The following FGF12 variants were observed in gnomAD, a reference collection of about 807,000 sequenced individuals.
FGF12 encodes the protein fibroblast growth factor 12B.
FGF12 carries 14 observed loss-of-function variants against 23.6 expected under a neutral mutation model. The observed-to-expected ratio is 0.59, with a 90% CI of 0.39 to 0.93. FGF12 has a LOEUF of 0.93. Ranked by LOEUF, FGF12 falls within the 40% of genes least tolerant of loss-of-function variation. The pLI, the probability that FGF12 is intolerant of heterozygous loss-of-function variation, is 0.00. For missense variants in FGF12, 175 were observed against 217.8 expected, an observed-to-expected ratio of 0.80 and a Z score of 1.24; for synonymous variants, 62 against 77.3, an observed-to-expected ratio of 0.80 and a Z score of 1.04.
intron 2 of FGF12, among the ~76,000 whole-genome samples, chr3:192,475,820 T>A (rs1474380543): frequency 2.0e-5 from 3 of 152,064 alleles, no homozygotes. Context: ...GACCTAATAG[T>A]CAGAAAATTT....
chr3:192,336,184 A>G lies in FGF12; in HGVS notation c.125-720T>C, dbSNP rs557570875. 6.0e-5 allele frequency among the ~76,000 whole-genome samples: 9 copies of G among 150,414 alleles called. No homozygotes were observed. The South Asian group carries it at 1.9e-3, about 33-fold the overall frequency. On this transcript the variant is annotated intron_variant, in intron 3 of 5. Coordinates refer to ENST00000445105, the MANE Select transcript of FGF12 (RefSeq NM_004113.6). This position sits in a 1 kb window ranked among gnomAD's most constrained non-coding sequence, Gnocchi z 4.3. The stretch of plus-strand genomic sequence containing the variant: ...TATATATATACAAATATATATACAC[A>G]TATATATATGCACACACACACACAT...
chr3:192,680,437 C>T (rs113902906), intron 2 of FGF12, among the ~76,000 whole-genome samples: 6 of 152,018 alleles, frequency 3.9e-5, no homozygotes, highest in African/African-American at 1.2e-4. Context: ...TGGTGGCCTT[C>T]GGTTGGGAGG....
At chr3:192,529,788 G>A (rs1287691171) in intron 2 of FGF12, among the ~76,000 whole-genome samples, 1 of 152,150 alleles carries the variant, frequency 6.6e-6, no homozygotes, top group Non-Finnish European at 1.5e-5. Context: ...CAGATCTTGT[G>A]AGATTTATTC....
intron 2 of FGF12, among the ~76,000 whole-genome samples, chr3:192,506,085 G>A (rs1724285520): frequency 6.6e-6 from 1 of 152,216 alleles, no homozygotes; most frequent in African/African-American, 2.4e-5. Context: ...GGTGAAGCAG[G>A]GATAGGAAGG....
Position 192,383,660 on chromosome 3 carries a change from G to C in FGF12, c.14-23122C>G, listed in dbSNP as rs989316422. On this transcript the variant is annotated intron_variant, in intron 2 of 5. Coordinates refer to ENST00000445105, the MANE Select transcript of FGF12 (RefSeq NM_004113.6). ...AATCAAAGGCTAAATTTGTGCAAAG[G>C]TGTTTAGGTTTTATGGCTATATATT... Among the ~76,000 whole-genome samples the C allele has an allele frequency of 3.3e-5, 5 of 152,166 alleles. 1 individual carries two copies.
rs1479066157 is a variant in FGF12, at chr3:192,379,346, AC to A, written c.14-18809del. ...TCTGGAGATAACCTAACAAATTGTC[AC>A]TGTGTATAGGGCAAGGGATACATAA... is the stretch of plus-strand genomic sequence containing the variant. On this transcript the variant is annotated intron_variant, in intron 2 of 5. Transcript: ENST00000445105. Among the ~76,000 whole-genome samples the A allele has an allele frequency of 2.7e-5, 4 of 150,778 alleles. No homozygotes were observed. The Admixed American group carries it at 2.7e-4, about 10-fold the overall frequency.
At chr3:192,349,398 T>A (rs914581336) in intron 3 of FGF12, among the ~76,000 whole-genome samples, 2 of 152,100 alleles carry the variant, frequency 1.3e-5, no homozygotes, top group African/African-American at 4.8e-5. Flanking sequence ...CCTTTTCCAC[T>A]ACTTCAAGAA....
At chr3:192,192,370 C>T (rs990171680) in intron 4 of FGF12, among the ~76,000 whole-genome samples, 2 of 149,948 alleles carry the variant, frequency 1.3e-5, no homozygotes, top group African/African-American at 4.9e-5. Flanking sequence ...CACATTTACA[C>T]ATATACTTTT....
intron 2 of FGF12, among the ~76,000 whole-genome samples, chr3:192,546,599 A>C (rs1366767287): frequency 6.6e-6 from 1 of 152,128 alleles, no homozygotes; most frequent in Non-Finnish European, 1.5e-5. Context: ...TTCCTGATAG[A>C]ATGTAAGCTT....
chr3:192,344,169 G>T (rs977573659), intron 3 of FGF12, among the ~76,000 whole-genome samples: 29 of 152,098 alleles, frequency 1.9e-4, no homozygotes, highest in African/African-American at 7.0e-4. Flanking sequence ...TTGTTATGAA[G>T]ATCAATGAGA....
chr3:192,236,400 T>C (rs1719301430), intron 4 of FGF12, among the ~76,000 whole-genome samples: 1 of 152,156 alleles, frequency 6.6e-6, no homozygotes, highest in African/African-American at 2.4e-5. Context: ...GAGTTTACAT[T>C]TGATATATCT....
chr3:192,202,690 T>A (rs990101197), intron 4 of FGF12, among the ~76,000 whole-genome samples: 1 of 152,206 alleles, frequency 6.6e-6, no homozygotes, highest in Admixed American at 6.5e-5. Flanking sequence ...TCTCCCTATG[T>A]GAATTTGCAG....
chr3:192,510,762 A>C (rs1239971421), intron 2 of FGF12, among the ~76,000 whole-genome samples: 5 of 152,236 alleles, frequency 3.3e-5, no homozygotes, highest in Non-Finnish European at 7.3e-5. Context: ...ATTGTGGTAC[A>C]TCCACGCAAT....
At chr3:192,547,951 C>T (rs1048864319) in intron 2 of FGF12, among the ~76,000 whole-genome samples, 3 of 152,124 alleles carry the variant, frequency 2.0e-5, no homozygotes, top group African/African-American at 7.2e-5. Flanking sequence ...CTGGAGGCCT[C>T]TGTACATTCA....
Position 192,172,238 on chromosome 3 carries a change from A to C in FGF12, c.229-1582T>G, listed in dbSNP as rs1399220479. 3.6e-5 allele frequency among the ~76,000 whole-genome samples: 5 copies of C among 139,720 alleles called. 1 individual carries two copies. The highest frequency in any genetic ancestry group is 8.1e-5 in the Non-Finnish European group (5 of 61,772). The allele number at this position is 139,720 out of a possible 152,430, so 91.7% of individuals were successfully genotyped here. A position where few individuals can be genotyped will look rare whatever the true frequency, so the allele number is the denominator to read the frequency against. On this transcript the variant is annotated intron_variant, in intron 4 of 5. Transcript: ENST00000445105. ...ACCCCGTCTCTACTAAAAATGCAAA[A>C]ATTAGCTGGGTGTGGTGGCAGATGC...
chr3:192,580,593 T>G (rs1009366664), intron 2 of FGF12, among the ~76,000 whole-genome samples: 22 of 152,278 alleles, frequency 1.4e-4, no homozygotes, highest in Non-Finnish European at 1.8e-4. Flanking sequence ...AAGAGATTTT[T>G]TTGTTGTTGT....
chr3:192,588,094 G>C (rs990245586), intron 2 of FGF12, among the ~76,000 whole-genome samples: 3 of 151,286 alleles, frequency 2.0e-5, no homozygotes, highest in Admixed American at 1.3e-4. Context: ...GCCTGTAATC[G>C]CAGCACTTTA....
chr3:192,325,119 C>T (rs1213555827), intron 4 of FGF12, among the ~76,000 whole-genome samples: 1 of 152,022 alleles, frequency 6.6e-6, no homozygotes, highest in African/African-American at 2.4e-5. Context: ...AAAAAATAAC[C>T]CATGTCACAT....
chr3:192,148,108 A>G (rs1324595707), intron 5 of FGF12, among the ~76,000 whole-genome samples: 1 of 152,336 alleles, frequency 6.6e-6, no homozygotes, highest in East Asian at 1.9e-4. Flanking sequence ...TTCCAACTGT[A>G]GGTGTACACT....
Sources: gnomAD v4.1 joint callset for allele counts (sites outside exome capture counted in the v4.1 genomes callset) on GRCh38, gnomAD v4.1.1 for gene constraint, Gnocchi (gnomAD v3.1) non-coding constraint, MANE v1.5 for transcripts, NCBI Gene and HGNC (gene_info 2026-07-23, HGNC 2026-07-21) for gene names.